Variants in PLEKHM2 observed in about 807,000 individuals in gnomAD.
PLEKHM2 encodes pleckstrin homology domain-containing family M member 2.
In PLEKHM2, 77 loss-of-function variants were observed where a neutral mutation model predicts 116.3. The observed-to-expected ratio is 0.66, with a 90% CI of 0.55 to 0.80. PLEKHM2 has a LOEUF of 0.80. PLEKHM2 is among the 30% of genes least tolerant of loss of function. PLEKHM2 has a pLI of 0.00. For synonymous variants in PLEKHM2, 562 were observed against 571.0 expected (o/e 0.98, Z 0.22); for missense variants, 1,183 against 1,354.9 (o/e 0.87, Z 1.99).
At chr1:15,689,245 CAAA>C (rs34554449) in intron 1 of PLEKHM2, among the ~76,000 whole-genome samples, 11 of 95,526 alleles carry the variant, frequency 1.2e-4, no homozygotes, top group East Asian at 4.1e-4. Flanking sequence ...AACTCCGTCT[CAAA>C]AAAAAAAAAA....
Position 15,718,468 on chromosome 1 carries a change from A to G in PLEKHM2, c.378-70A>G, listed in dbSNP as rs936422759. 10 of 878,994 alleles carry G rather than the reference A, an allele frequency of 1.1e-5. No individual in the cohort carries two copies. In the Admixed American group the frequency reaches 2.0e-4, roughly 18 times the overall value. 54.4% of individuals were successfully genotyped at this position (878,994 alleles called of 1,614,324 possible). A position where few individuals can be genotyped will look rare whatever the true frequency, so the allele number is the denominator to read the frequency against. On this transcript the variant is annotated intron_variant, in intron 4 of 19. Transcript: ENST00000375799. ...CGTGTCAGATTTCAACACAGCTGGT[A>G]TGTTGGTAAGGTTAGGCCAGGCTGG...
chr1:15,684,717 T>C (rs1640729441), intron 1 of PLEKHM2, 99 bp downstream of exon 1: 2 of 334,168 alleles, frequency 6.0e-6, no homozygotes, highest in Non-Finnish European at 4.0e-6. Context: ...GCCCTTCCCC[T>C]CCGCGACCCG....
chr1:15,681,735 G>A (rs1349099247), upstream of PLEKHM2, among the ~76,000 whole-genome samples: 1 of 152,124 alleles, frequency 6.6e-6, no homozygotes. Flanking sequence ...TAGATACCTG[G>A]CTATTTATTT....
At chr1:15,733,725 G>A in intron 19 of PLEKHM2, 72 bp from the exon 20 acceptor site, 1 of 1,519,376 alleles carries the variant, frequency 6.6e-7, no homozygotes, top group Non-Finnish European at 8.9e-7. Context: ...AGGCAGGCCT[G>A]GTGCCCACAA....
chr1:15,683,686 G>A (rs1300212293), upstream of PLEKHM2, among the ~76,000 whole-genome samples: 1 of 151,584 alleles, frequency 6.6e-6, no homozygotes, highest in East Asian at 2.0e-4. Context: ...GAGGGCTGGG[G>A]GCCCAGGGTC....
intron 1 of PLEKHM2, among the ~76,000 whole-genome samples, chr1:15,685,348 C>T (rs1640745931): frequency 6.6e-6 from 1 of 151,760 alleles, no homozygotes. Context: ...CAAAAGGGTC[C>T]GTGCTAGAAG....
At chr1:15,718,212 C>A (rs1414970227) in intron 4 of PLEKHM2, among the ~76,000 whole-genome samples, 2 of 152,262 alleles carry the variant, frequency 1.3e-5, no homozygotes, top group East Asian at 3.8e-4. Flanking sequence ...GTCCTCCTCC[C>A]AGGCTTCAGA....
rs2067959596 is a variant in PLEKHM2 at position 15,719,510 on chromosome 1, C to G, written c.466-224C>G. On this transcript the variant is annotated intron_variant, in intron 5 of 19. Coordinates refer to ENST00000375799, the MANE Select transcript of PLEKHM2 (RefSeq NM_015164.4). This position sits in a 1 kb window ranked among gnomAD's most constrained non-coding sequence, Gnocchi z 4.1. Reference sequence around the variant, plus strand: ...ATAGCGGGGGCATCAAAGGGTGTAGCTGAGTTCTGACAGCTCTGTCTTCCA... The same window carrying G: ...ATAGCGGGGGCATCAAAGGGTGTAGGTGAGTTCTGACAGCTCTGTCTTCCA... 6.6e-6 allele frequency among the ~76,000 whole-genome samples: 1 copy of G among 152,088 alleles called. No individual in the cohort carries two copies. Among genetic ancestry groups the G allele is most frequent in the Non-Finnish European group, 1.5e-5 (1 of 68,016 alleles).
chr1:15,730,512 C>G lies in PLEKHM2; in HGVS notation c.2209-20C>G. On this transcript the variant is annotated intron_variant, in intron 14 of 19. Transcript: ENST00000375799. ...CCCAGGCCTTACTTGCTTTGTCCCC[C>G]GTGCCCGCCCCCGCATCAGGCATCT... 1 of 1,524,842 alleles carries G rather than the reference C, an allele frequency of 6.6e-7. No individual in the cohort carries two copies. Among genetic ancestry groups the G allele is most frequent in the South Asian group, 1.3e-5 (1 of 78,942 alleles). The allele number at this position is 1,524,842 out of a possible 1,614,324, so 94.5% of individuals were successfully genotyped here.
chr1:15,696,638 A>G (rs927235392), intron 1 of PLEKHM2, among the ~76,000 whole-genome samples: 1 of 152,260 alleles, frequency 6.6e-6, no homozygotes, highest in African/African-American at 2.4e-5. Context: ...GGCATGAGCC[A>G]CCGCGCCTGG....
At chr1:15,682,450 CAA>C (rs58913655), upstream of PLEKHM2, among the ~76,000 whole-genome samples, 16 of 114,218 alleles carry the variant, frequency 1.4e-4, no homozygotes, top group East Asian at 7.0e-4. Context: ...GACTCCGCCT[CAA>C]AAAAAAAAAA....
Position 15,684,541 on chromosome 1 carries a change from G to GGCGACGGTGGCA in PLEKHM2, c.-14_-3dup, listed in dbSNP as rs1553156958. The GGCGACGGTGGCA allele has an allele frequency of 8.3e-7, 1 of 1,198,224 alleles. No individual in the cohort carries two copies. Among genetic ancestry groups the GGCGACGGTGGCA allele is most frequent in the East Asian group, 4.1e-5 (1 of 24,560 alleles). 74.2% of individuals were successfully genotyped at this position (1,198,224 alleles called of 1,614,324 possible). ...CGGCGGCGGTGGCGGTGGCGGTGGC[G>GGCGACGGTGGCA]GCGACGGTGGCAGCGCCATGGAGCC... On this transcript the variant is annotated 5_prime_UTR_variant, in exon 1 of 20. Coordinates refer to ENST00000375799, the MANE Select transcript of PLEKHM2 (RefSeq NM_015164.4).
Position 15,727,418 on chromosome 1 carries a change from C to T in PLEKHM2, c.1346C>T (p.Pro449Leu), listed in dbSNP as rs542799086. Residue 449 changes from proline to leucine, a missense_variant, in exon 9 of 20, where the codon CCG becomes CTG. Physicochemically the swap from Pro to Leu is moderately conservative, Grantham distance 98. Around this residue, in one of 3 missense-constraint regions of PLEKHM2, gnomAD observed 372 missense variants for 357.2 expected, o/e 1.04. Coordinates refer to ENST00000375799, the MANE Select transcript of PLEKHM2 (RefSeq NM_015164.4). This position sits in a 1 kb window ranked among gnomAD's most constrained non-coding sequence, Gnocchi z 7.5. ...TGSPGDAPER[P>L]PLCDFSEGLS... ...TCTCCCGGGGATGCCCCGGAGAGGC[C>T]GCCGCTTTGCGACTTTAGTGAGGGG... The T allele has an allele frequency of 2.9e-5, 46 of 1,605,498 alleles. No individual in the cohort carries two copies. The highest frequency in any genetic ancestry group is 2.5e-4 in the Admixed American group (15 of 58,982).
At chr1:15,714,201 A>C (rs970663685) in intron 1 of PLEKHM2, among the ~76,000 whole-genome samples, 2 of 151,926 alleles carry the variant, frequency 1.3e-5, no homozygotes, top group Non-Finnish European at 2.9e-5. Context: ...TGGCTTCCCG[A>C]AGTGCTGGGA....
intron 1 of PLEKHM2, among the ~76,000 whole-genome samples, chr1:15,698,549 C>CTTTTTT (rs564918055): frequency 1.8e-5 from 2 of 111,224 alleles, no homozygotes; most frequent in South Asian, 2.7e-4. Flanking sequence ...TTCTTTCTTT[C>CTTTTTT]TTTTTTTTTT....
intron 1 of PLEKHM2, among the ~76,000 whole-genome samples, chr1:15,685,272 A>G (rs550908926): frequency 6.6e-6 from 1 of 152,360 alleles, no homozygotes; most frequent in African/African-American, 2.4e-5. Context: ...TCACTGTCCC[A>G]ATTCCAGGTA....
Position 15,728,821 on chromosome 1 carries a change from C to T in PLEKHM2, c.1986+88C>T. On this transcript the variant is annotated intron_variant, in intron 12 of 19. Coordinates refer to ENST00000375799, the MANE Select transcript of PLEKHM2 (RefSeq NM_015164.4). The surrounding 1 kb of genome is among the most constrained non-coding windows in gnomAD (Gnocchi z 5.9). ...CATAGAACTGCAGGGCGAGGCACGG[C>T]CCCTTACTCCCCTCCCGGGGTTGGG... is the stretch of plus-strand genomic sequence containing the variant. 2 of 1,186,426 alleles carry T rather than the reference C, an allele frequency of 1.7e-6. No homozygotes were observed. The highest frequency in any genetic ancestry group is 1.2e-6 in the Non-Finnish European group (1 of 817,292). The allele number at this position is 1,186,426 out of a possible 1,614,324, so 73.5% of individuals were successfully genotyped here.
At chr1:15,717,749 G>C in intron 3 of PLEKHM2, 144 bp from the exon 4 acceptor site, 1 of 612,742 alleles carries the variant, frequency 1.6e-6, no homozygotes, top group Non-Finnish European at 2.9e-6. Context: ...GCACTCAGGG[G>C]TTATGGTACC....
At chr1:15,716,481 CCA>C (rs1641448952) in intron 2 of PLEKHM2, 138 bp downstream of exon 2, 7 of 677,942 alleles carry the variant, frequency 1.0e-5, no homozygotes. Context: ...CTCAAGTGGG[CCA>C]CAGTCTCTCT....
Sources: allele counts gnomAD v4.1 joint callset (sites outside exome capture counted in the v4.1 genomes callset), GRCh38; gene constraint gnomAD v4.1.1; regional missense constraint gnomAD v4.1.1; non-coding constraint Gnocchi (gnomAD v3.1); transcripts MANE v1.5; gene names NCBI Gene and HGNC (gene_info 2026-07-23, HGNC 2026-07-21).